Variants in FRMD3 observed in about 807,000 individuals in gnomAD.
The protein encoded by FRMD3 is FERM domain containing 3, also known as FERM domain-containing protein 3.
FRMD3 carries 33 observed loss-of-function variants against 70.2 expected under a neutral mutation model. The observed-to-expected ratio is 0.47, with a 90% confidence interval of 0.36 to 0.63. The LOEUF is 0.63. FRMD3 is among the 20% of genes least tolerant of loss of function. The pLI, the probability that FRMD3 is intolerant of heterozygous loss-of-function variation, is 0.00. For synonymous variants in FRMD3, 279 were observed against 255.9 expected (o/e 1.09, Z -0.86); for missense variants, 632 against 711.4 (o/e 0.89, Z 1.27).
At chr9:83,529,351 A>G (rs1464357701) in intron 1 of FRMD3, among the ~76,000 whole-genome samples, 2 of 152,250 alleles carry the variant, frequency 1.3e-5, no homozygotes, top group Non-Finnish European at 2.9e-5. Context: ...ATATGGGAGT[A>G]GCTGTTAATA....
chr9:83,323,333 C>T (rs1835878793), intron 6 of FRMD3, among the ~76,000 whole-genome samples: 1 of 152,130 alleles, frequency 6.6e-6, no homozygotes, highest in Non-Finnish European at 1.5e-5. Context: ...ATGAAAATTG[C>T]TGACTTAAAG....
chr9:83,409,618 AT>A (rs1330928460), intron 1 of FRMD3, among the ~76,000 whole-genome samples: 5 of 152,258 alleles, frequency 3.3e-5, no homozygotes, highest in Admixed American at 3.3e-4. Context: ...AAGAGCAAAC[AT>A]TTTTAGCACA....
chr9:83,469,876 G>A (rs2131456550), intron 1 of FRMD3, among the ~76,000 whole-genome samples: 1 of 152,316 alleles, frequency 6.6e-6, no homozygotes, highest in Non-Finnish European at 1.5e-5. Flanking sequence ...AAGCCCGCAG[G>A]AGCAGCTGCT....
upstream of FRMD3, among the ~76,000 whole-genome samples, chr9:83,538,770 G>A (rs1254025497): frequency 6.6e-6 from 1 of 152,162 alleles, no homozygotes; most frequent in Non-Finnish European, 1.5e-5. The surrounding 1 kb of genome is among the most constrained non-coding windows in gnomAD (Gnocchi z 4.7). Flanking sequence ...CAACGCGCTC[G>A]ACAGCGCCCT....
intron 2 of FRMD3, among the ~76,000 whole-genome samples, chr9:83,381,412 C>G (rs542074236): frequency 6.6e-6 from 1 of 151,888 alleles, no homozygotes; most frequent in African/African-American, 2.4e-5. Context: ...AAAAATTAGC[C>G]GGGTGTGGTG....
intron 1 of FRMD3, among the ~76,000 whole-genome samples, chr9:83,510,269 G>A (rs1156560990): frequency 6.6e-6 from 1 of 152,178 alleles, no homozygotes; most frequent in African/African-American, 2.4e-5. Context: ...TAGTCAAGAT[G>A]CAGATGGAAG....
intron 3 of FRMD3, among the ~76,000 whole-genome samples, chr9:83,366,718 G>A (rs1824798381): frequency 6.6e-6 from 1 of 152,234 alleles, no homozygotes; most frequent in South Asian, 2.1e-4. Context: ...CTGCACATCT[G>A]AGTCATAGTG....
Position 83,247,575 on chromosome 9 carries a change from C to A in FRMD3, c.*343G>T. 9.8e-7 allele frequency: 1 copy of A among 1,022,614 alleles called. No homozygotes were observed. Among genetic ancestry groups the A allele is most frequent in the South Asian group, 4.0e-5 (1 of 24,868 alleles). 63.3% of individuals were successfully genotyped at this position (1,022,614 alleles called of 1,614,324 possible). The stretch of plus-strand genomic sequence containing the variant: ...AAAATTCTGATTCTGAACCTTATAG[C>A]TTATAATGGTGCCAACTATTAGAAA... On this transcript the variant is annotated 3_prime_UTR_variant, in exon 14 of 14. Coordinates refer to ENST00000304195, the MANE Select transcript of FRMD3 (RefSeq NM_174938.6).
intron 3 of FRMD3, among the ~76,000 whole-genome samples, chr9:83,362,098 TGA>T (rs1306642226): frequency 6.6e-6 from 1 of 152,046 alleles, no homozygotes; most frequent in Non-Finnish European, 1.5e-5. Context: ...CAAGTAGAGT[TGA>T]GAGTCAATCA....
At chr9:83,498,934 T>C (rs1232860654) in intron 1 of FRMD3, among the ~76,000 whole-genome samples, 1 of 152,150 alleles carries the variant, frequency 6.6e-6, no homozygotes, top group Non-Finnish European at 1.5e-5. Flanking sequence ...ATCTACCATA[T>C]GATAATAGCT....
intron 3 of FRMD3, among the ~76,000 whole-genome samples, chr9:83,360,410 A>T (rs1387002273): frequency 2.0e-5 from 3 of 152,040 alleles, no homozygotes; most frequent in African/African-American, 7.3e-5. Context: ...CTTCCTACCC[A>T]CTTGGCCCAC....
intron 1 of FRMD3, among the ~76,000 whole-genome samples, chr9:83,472,295 G>A (rs1036191771): frequency 1.3e-5 from 2 of 152,122 alleles, no homozygotes; most frequent in African/African-American, 4.8e-5. Context: ...TCAGGGTGAG[G>A]GAAATAAAAC....
chr9:83,516,831 C>T (rs1237478482), intron 1 of FRMD3, among the ~76,000 whole-genome samples: 2 of 152,158 alleles, frequency 1.3e-5, no homozygotes, highest in Non-Finnish European at 2.9e-5. Flanking sequence ...ATCAAAACTG[C>T]ACAACTACAT....
chr9:83,459,269 C>T (rs1438697107), intron 1 of FRMD3, among the ~76,000 whole-genome samples: 1 of 151,094 alleles, frequency 6.6e-6, no homozygotes. Flanking sequence ...CTGGCCTTAA[C>T]GTCCCACCAA....
intron 1 of FRMD3, 117 bp from the exon 2 acceptor site, chr9:83,389,825 G>A (rs767191790): frequency 3.0e-6 from 2 of 675,684 alleles, no homozygotes; most frequent in Non-Finnish European, 5.2e-6. Flanking sequence ...GCTCACTCCA[G>A]TCCCTGAAGA....
chr9:83,356,927 T>C (rs756595916), intron 3 of FRMD3, among the ~76,000 whole-genome samples: 11 of 151,592 alleles, frequency 7.3e-5, no homozygotes, highest in Non-Finnish European at 1.6e-4. Context: ...AAGTCCGTCA[T>C]ATCATTTTTA....
At chr9:83,436,571 CAA>C (rs1048588859) in intron 1 of FRMD3, among the ~76,000 whole-genome samples, 2 of 147,154 alleles carry the variant, frequency 1.4e-5, no homozygotes, top group East Asian at 4.0e-4. Context: ...TATTGCAATT[CAA>C]AAAAAAATGT....
At chr9:83,257,983 G>A (rs1307403640) in intron 13 of FRMD3, among the ~76,000 whole-genome samples, 2 of 152,130 alleles carry the variant, frequency 1.3e-5, no homozygotes, top group Non-Finnish European at 2.9e-5. Flanking sequence ...TTATACCATT[G>A]TTGGCATTAT....
chr9:83,444,595 T>C (rs749839624), intron 1 of FRMD3, among the ~76,000 whole-genome samples: 5 of 152,036 alleles, frequency 3.3e-5, no homozygotes, highest in African/African-American at 7.3e-5. Context: ...TGCTGTGTAC[T>C]TGAATCACAT....
Sources: gnomAD v4.1 joint callset for allele counts (sites outside exome capture counted in the v4.1 genomes callset) on GRCh38, gnomAD v4.1.1 for gene constraint, Gnocchi (gnomAD v3.1) non-coding constraint, MANE v1.5 for transcripts, NCBI Gene and HGNC (gene_info 2026-07-23, HGNC 2026-07-21) for gene names.